Variants in DARS1 observed in about 807,000 individuals in gnomAD.
DARS1 encodes aspartyl-tRNA synthetase 1, also known as aspartate--tRNA ligase, cytoplasmic.
Under a neutral mutation model 68.8 loss-of-function variants are expected in DARS1, and 51 were observed. The observed-to-expected ratio is 0.74, with a 90% CI of 0.59 to 0.94. The LOEUF is 0.94. Among genes scored for constraint, DARS1 ranks in the 40% least tolerant of loss-of-function variants. DARS1 has a pLI of 0.00. For missense variants in DARS1, 607 were observed against 597.3 expected, an observed-to-expected ratio of 1.02 and a Z score of -0.17; for synonymous variants, 203 against 190.4, an observed-to-expected ratio of 1.07 and a Z score of -0.55.
At chr2:135,978,379 T>C (rs745322619) in intron 3 of DARS1, among the ~76,000 whole-genome samples, 2 of 152,214 alleles carry the variant, frequency 1.3e-5, no homozygotes, top group Non-Finnish European at 2.9e-5. Context: ...AGAAAGCTTC[T>C]AGCTTCTGTT....
At chr2:135,948,731 C>T (rs1370992351) in intron 4 of DARS1, among the ~76,000 whole-genome samples, 3 of 151,868 alleles carry the variant, frequency 2.0e-5, no homozygotes, top group African/African-American at 4.8e-5. Context: ...TTTAGCTGGG[C>T]GTGGTAGCGT....
At chr2:135,927,608 A>G (rs1323832936) in intron 7 of DARS1, among the ~76,000 whole-genome samples, 1 of 152,174 alleles carries the variant, frequency 6.6e-6, no homozygotes, top group Non-Finnish European at 1.5e-5. Flanking sequence ...CATTAAACAA[A>G]TATTTATTAT....
intron 3 of DARS1, among the ~76,000 whole-genome samples, chr2:135,961,959 A>G (rs1312277610): frequency 6.6e-6 from 1 of 152,226 alleles, no homozygotes; most frequent in Non-Finnish European, 1.5e-5. Flanking sequence ...GGACACAAAC[A>G]CTATGGGGTG....
chr2:135,944,858 G>A (rs916383631), intron 4 of DARS1, among the ~76,000 whole-genome samples: 2 of 152,170 alleles, frequency 1.3e-5, no homozygotes, highest in Admixed American at 1.3e-4. Flanking sequence ...TGTGATAACT[G>A]AGTGTATATT....
intron 8 of DARS1, 103 bp downstream of exon 8, chr2:135,924,284 A>G: frequency 7.7e-7 from 1 of 1,293,824 alleles, no homozygotes. Flanking sequence ...ATAAACCTTA[A>G]TGGACACTTG....
intron 10 of DARS1, among the ~76,000 whole-genome samples, chr2:135,916,998 C>T (rs1681018921): frequency 6.6e-6 from 1 of 151,964 alleles, no homozygotes; most frequent in Non-Finnish European, 1.5e-5. Flanking sequence ...ACCAGTCTGG[C>T]CAACATGGTG....
intron 3 of DARS1, among the ~76,000 whole-genome samples, chr2:135,969,521 A>G (rs778672971): frequency 1.2e-4 from 19 of 152,060 alleles, no homozygotes; most frequent in Non-Finnish European, 2.6e-4. Flanking sequence ...TACATTAAGT[A>G]TTATAACTTA....
intron 4 of DARS1, among the ~76,000 whole-genome samples, chr2:135,943,886 G>A (rs1262239048): frequency 6.6e-6 from 1 of 152,092 alleles, no homozygotes; most frequent in Non-Finnish European, 1.5e-5. Context: ...GTATGTGATG[G>A]AATTAAATAA....
intron 12 of DARS1, 61 bp from the exon 13 acceptor site, chr2:135,912,627 G>C: frequency 1.5e-6 from 1 of 661,346 alleles, no homozygotes; most frequent in Non-Finnish European, 2.6e-6. Flanking sequence ...CTAACATTTT[G>C]GTAATTAACT....
At chr2:135,983,634 A>AG (rs1682691386) in intron 1 of DARS1, among the ~76,000 whole-genome samples, 180 bp from the exon 2 acceptor site, 1 of 152,250 alleles carries the variant, frequency 6.6e-6, no homozygotes, top group Non-Finnish European at 1.5e-5. Context: ...TGTACTCTAC[A>AG]GAAAACAGAA....
At chr2:135,982,799 A>T (rs1393348358) in intron 2 of DARS1, among the ~76,000 whole-genome samples, 1 of 152,110 alleles carries the variant, frequency 6.6e-6, no homozygotes. Flanking sequence ...TGTAAGATGG[A>T]AGGACCCATG....
rs1014128109 is a variant in DARS1, at chr2:135,934,795, A to AT, written c.424-806dup. ...AGCAATTAACATATGACTTGCTATC[A>AT]TTTTTTTTTTTTTTTTTGAGACGGA... On this transcript the variant is annotated intron_variant, in intron 5 of 15. Coordinates refer to ENST00000264161, the MANE Select transcript of DARS1 (RefSeq NM_001349.4). 2.7e-3 allele frequency among the ~76,000 whole-genome samples: 374 copies of AT among 138,438 alleles called. 2 individuals are homozygous for AT. The highest frequency in any genetic ancestry group is 3.9e-3 in the Admixed American group (53 of 13,622). 90.8% of individuals were successfully genotyped at this position (138,438 alleles called of 152,430 possible). A position where few individuals can be genotyped will look rare whatever the true frequency, so the allele number is the denominator to read the frequency against.
chr2:135,947,732 A>G (rs1015785962), intron 4 of DARS1, among the ~76,000 whole-genome samples: 1 of 152,072 alleles, frequency 6.6e-6, no homozygotes, highest in Non-Finnish European at 1.5e-5. Flanking sequence ...CTAAATTTAA[A>G]TATCTCAGAA....
chr2:135,932,610 C>T (rs570097272), intron 7 of DARS1, among the ~76,000 whole-genome samples, 173 bp downstream of exon 7: 1 of 152,158 alleles, frequency 6.6e-6, no homozygotes, highest in Non-Finnish European at 1.5e-5. Context: ...GCTCCTGTTG[C>T]CTGCAATTCT....
chr2:135,971,286 A>G (rs1486846178), intron 3 of DARS1, among the ~76,000 whole-genome samples: 1 of 152,210 alleles, frequency 6.6e-6, no homozygotes. Context: ...GAGGTTCAAA[A>G]TATACAAATC....
chr2:135,933,587 ATAC>A (rs1368839891), intron 6 of DARS1, among the ~76,000 whole-genome samples: 3 of 152,204 alleles, frequency 2.0e-5, no homozygotes, highest in Non-Finnish European at 4.4e-5. Flanking sequence ...TATTTACATA[ATAC>A]TACATATGCA....
chr2:135,939,067 T>TTA (rs1681536945), intron 5 of DARS1, among the ~76,000 whole-genome samples: 1 of 152,110 alleles, frequency 6.6e-6, no homozygotes, highest in South Asian at 2.1e-4. Context: ...ATGGGAGACT[T>TTA]TAACACCCCA....
chr2:135,955,860 T>C (rs992397782), intron 4 of DARS1, among the ~76,000 whole-genome samples: 17 of 152,046 alleles, frequency 1.1e-4, no homozygotes, highest in African/African-American at 3.6e-4. Flanking sequence ...TGTTTCACCA[T>C]ATTGCCCAGG....
At chr2:135,925,409 C>T (rs1050273616) in intron 7 of DARS1, among the ~76,000 whole-genome samples, 1 of 152,128 alleles carries the variant, frequency 6.6e-6, no homozygotes, top group Non-Finnish European at 1.5e-5. Flanking sequence ...AGTCTCATTA[C>T]GAGAATTTCA....
Sources: allele counts gnomAD v4.1 joint callset (sites outside exome capture counted in the v4.1 genomes callset), GRCh38; gene constraint gnomAD v4.1.1; transcripts MANE v1.5; gene names NCBI Gene and HGNC (gene_info 2026-07-23, HGNC 2026-07-21).